Variants in CFAP54 observed in about 807,000 individuals in gnomAD.
CFAP54 encodes cilia- and flagella-associated protein 54.
A neutral mutation model predicts 370.4 loss-of-function variants in CFAP54; 290 were observed. That is an observed-to-expected ratio of 0.78 (90% CI 0.71 to 0.86). CFAP54 has a LOEUF of 0.86. CFAP54 is among the 40% of genes least tolerant of loss of function. The pLI is 0.00. For synonymous variants in CFAP54, 1,206 were observed against 1,236.5 expected, an observed-to-expected ratio of 0.98 and a Z score of 0.52; for missense variants, 3,399 against 3,528.7, an observed-to-expected ratio of 0.96 and a Z score of 0.93.
chr12:96,859,423 T>G (rs900091273), intron 66 of CFAP54, among the ~76,000 whole-genome samples: 13 of 151,290 alleles, frequency 8.6e-5, no homozygotes, highest in African/African-American at 1.5e-4. Flanking sequence ...TGTTTTTTGT[T>G]TTTTTTTTGA....
chr12:96,638,904 A>G lies in CFAP54; in HGVS notation c.4317-5274A>G, dbSNP rs116447053. On this transcript the variant is annotated intron_variant, in intron 32 of 67. Transcript: ENST00000524981. ...TTCACGTTTTCAACATTTTAGCATT[A>G]AGAATGGTATTTGTGTCTCTATTTC... Among the ~76,000 whole-genome samples the G allele has an allele frequency of 4.7e-3, 718 of 152,316 alleles. 4 individuals carry two copies. Among genetic ancestry groups the G allele is most frequent in the African/African-American group, 0.016 (681 of 41,574 alleles).
At chr12:96,512,492 G>A (rs1173524446) in intron 4 of CFAP54, among the ~76,000 whole-genome samples, 1 of 151,532 alleles carries the variant, frequency 6.6e-6, no homozygotes, top group African/African-American at 2.4e-5. Context: ...ACAGGTGCAT[G>A]CCACCACGCC....
intron 63 of CFAP54, among the ~76,000 whole-genome samples, chr12:96,805,495 A>T (rs531589578): frequency 6.6e-6 from 1 of 152,110 alleles, no homozygotes; most frequent in African/African-American, 2.4e-5. Flanking sequence ...AACATCACTA[A>T]TCATCAGAGG....
chr12:96,670,771 C>G (rs7136563), intron 39 of CFAP54, among the ~76,000 whole-genome samples: 134,044 of 152,246 alleles, frequency 0.88, 59,203 homozygotes, highest in East Asian at 0.96. Flanking sequence ...AAGATGAGGA[C>G]GGACTGTTGT....
intron 49 of CFAP54, 48 bp downstream of exon 49, chr12:96,718,570 C>A: frequency 8.6e-7 from 1 of 1,156,892 alleles, no homozygotes; most frequent in East Asian, 2.4e-5. Flanking sequence ...ACCAAAAATC[C>A]ACTATTAGGC....
rs1958711673 is a variant in CFAP54 at position 96,792,503 on chromosome 12, T to A, written c.8850+4T>A. ...TCCCAAGGAGACAGAACCTATGGTATGTAATGTACTTATAGAACTCAATAT... is the reference window on the plus strand; with the variant it reads ...TCCCAAGGAGACAGAACCTATGGTAAGTAATGTACTTATAGAACTCAATAT... On this transcript the variant is annotated splice_donor_region_variant and intron_variant, in intron 63 of 67. Transcript: ENST00000524981. 1 of 1,522,678 alleles carries A rather than the reference T, an allele frequency of 6.6e-7. No homozygotes were observed. The highest frequency in any genetic ancestry group is 1.2e-5 in the South Asian group (1 of 82,136). 94.3% of individuals were successfully genotyped at this position (1,522,678 alleles called of 1,614,324 possible). A position where few individuals can be genotyped will look rare whatever the true frequency, so the allele number is the denominator to read the frequency against.
chr12:96,671,030 T>A (rs1249041508), intron 39 of CFAP54, among the ~76,000 whole-genome samples: 1 of 152,214 alleles, frequency 6.6e-6, no homozygotes, highest in African/African-American at 2.4e-5. Context: ...TGGAGTGTAG[T>A]AGTGCTATCC....
intron 9 of CFAP54, 58 bp from the exon 10 acceptor site, chr12:96,533,734 A>T: frequency 7.9e-7 from 1 of 1,271,672 alleles, no homozygotes; most frequent in South Asian, 1.6e-5. Flanking sequence ...TATAGTGAAT[A>T]TTTAATAAAT....
At chr12:96,501,779 A>G (rs1181144773) in intron 2 of CFAP54, among the ~76,000 whole-genome samples, 2 of 152,216 alleles carry the variant, frequency 1.3e-5, no homozygotes. Context: ...TACCAAATAG[A>G]GGATATGAGT....
chr12:96,746,114 T>C (rs1958111867), intron 55 of CFAP54, among the ~76,000 whole-genome samples: 2 of 152,176 alleles, frequency 1.3e-5, no homozygotes, highest in East Asian at 1.9e-4. Context: ...GTTGGCTCTG[T>C]CCTTCCTGGG....
In CFAP54 at chr12:96,586,740, T is replaced by C. The variant is rs186534580; in HGVS notation, c.3076-2687T>C. ...GATCATGAAAAGACTTCCAGGGCAT[T>C]ACAGGGACTTTGGCTTTTGACTTGA... On this transcript the variant is annotated intron_variant, in intron 22 of 67. Transcript: ENST00000524981. 9.8e-4 allele frequency among the ~76,000 whole-genome samples: 149 copies of C among 152,244 alleles called. 1 individual carries two copies. The highest frequency in any genetic ancestry group is 1.6e-3 in the Non-Finnish European group (112 of 68,000).
At chr12:96,528,072 A>C (rs1196384311) in intron 9 of CFAP54, among the ~76,000 whole-genome samples, 1 of 152,096 alleles carries the variant, frequency 6.6e-6, no homozygotes, top group South Asian at 2.1e-4. Context: ...CCAATAACAC[A>C]TGGGAAGAAG....
chr12:96,566,029 C>T (rs796328110), intron 19 of CFAP54, among the ~76,000 whole-genome samples: 10 of 152,280 alleles, frequency 6.6e-5, no homozygotes, highest in African/African-American at 2.2e-4. Context: ...CATTCTCTCT[C>T]CTGCTGACAT....
In CFAP54 at chr12:96,708,676, A is replaced by C; in HGVS notation, c.6597A>C (p.Leu2199Phe). The C allele has an allele frequency of 6.2e-7, 1 of 1,612,388 alleles. No homozygotes were observed. The highest frequency in any genetic ancestry group is 8.5e-7 in the Non-Finnish European group (1 of 1,179,546). ...VLVTIGQPHL[L>F]NKFNFVKAYF... ...TTACAATTGGCCAACCACATCTCTT[A>C]AATAAGTTTAATTTTGTTAAAGCAT... The change falls in exon 48 of 68, where the codon TTA (leucine) becomes TTC (phenylalanine). Residue 2199 changes from leucine (L) to phenylalanine (F), a missense_variant. Leu to Phe is a conservative substitution (Grantham distance 22). Around this residue, in one of 3 missense-constraint regions of CFAP54, gnomAD observed 2,796 missense variants for 2,869.7 expected, o/e 0.97. Coordinates refer to ENST00000524981, the MANE Select transcript of CFAP54 (RefSeq NM_001306084.2).
intron 9 of CFAP54, among the ~76,000 whole-genome samples, chr12:96,530,503 T>G (rs1288124376): frequency 2.0e-5 from 3 of 151,878 alleles, no homozygotes; most frequent in East Asian, 3.9e-4. Flanking sequence ...TCAAAAAAAA[T>G]TTTTTTTCAC....
intron 63 of CFAP54, among the ~76,000 whole-genome samples, chr12:96,796,004 C>T (rs146268036): frequency 6.6e-6 from 1 of 152,164 alleles, no homozygotes; most frequent in African/African-American, 2.4e-5. Flanking sequence ...GCTTGGCTCT[C>T]TAAATTTGTC....
At chr12:96,643,777 GT>G (rs1244047124) in intron 32 of CFAP54, among the ~76,000 whole-genome samples, 1 of 152,004 alleles carries the variant, frequency 6.6e-6, no homozygotes, top group Non-Finnish European at 1.5e-5. Flanking sequence ...TTGCTGCGTT[GT>G]TTTTTCCTTA....
chr12:96,874,103 A>C (rs1960230528), intron 67 of CFAP54, among the ~76,000 whole-genome samples: 1 of 152,182 alleles, frequency 6.6e-6, no homozygotes, highest in Admixed American at 6.5e-5. Flanking sequence ...TCCTGTAGCC[A>C]CCTGCCTACT....
chr12:96,728,458 G>C (rs1957870900), intron 50 of CFAP54, among the ~76,000 whole-genome samples: 1 of 152,028 alleles, frequency 6.6e-6, no homozygotes, highest in South Asian at 2.1e-4. Context: ...CTTTCTTCCA[G>C]TTGATCGCAT....
Sources: gnomAD v4.1 joint callset for allele counts (sites outside exome capture counted in the v4.1 genomes callset) on GRCh38, gnomAD v4.1.1 for gene constraint, gnomAD v4.1.1 regional missense constraint, MANE v1.5 for transcripts, NCBI Gene and HGNC (gene_info 2026-07-23, HGNC 2026-07-21) for gene names.